Variants in ZSWIM6 observed in about 807,000 individuals in gnomAD.
ZSWIM6 encodes the protein zinc finger SWIM domain-containing protein 6.
A neutral mutation model predicts 113.2 loss-of-function variants in ZSWIM6; 9 were observed. The ratio of observed to expected loss-of-function variants is 0.08; its 90% CI spans 0.05 to 0.14. The LOEUF is 0.14. ZSWIM6 is among the 10% of genes least tolerant of loss of function. The pLI, the probability that ZSWIM6 is intolerant of heterozygous loss-of-function variation, is 1.00. For synonymous variants in ZSWIM6, 611 were observed against 606.5 expected, an observed-to-expected ratio of 1.01 and a Z score of -0.11; for missense variants, 1,162 against 1,552.2, an observed-to-expected ratio of 0.75 and a Z score of 4.22.
At chr5:61,383,634 C>G (rs1022325728) in intron 1 of ZSWIM6, among the ~76,000 whole-genome samples, 9 of 151,972 alleles carry the variant, frequency 5.9e-5, no homozygotes, top group Non-Finnish European at 1.3e-4. Flanking sequence ...CTCCCCAGTT[C>G]AAGTAGTTCT....
chr5:61,375,820 A>G, intron 1 of ZSWIM6: 1 of 1,223,936 alleles, frequency 8.2e-7, no homozygotes, highest in Non-Finnish European at 1.2e-6. Flanking sequence ...GAAGAAGAAA[A>G]AGAAGGCTGC....
At chr5:61,379,783 A>T (rs1441501660) in intron 1 of ZSWIM6, among the ~76,000 whole-genome samples, 1 of 152,114 alleles carries the variant, frequency 6.6e-6, no homozygotes, top group Non-Finnish European at 1.5e-5. Flanking sequence ...TCCCTCAAAA[A>T]ATTTCTGCTC....
At chr5:61,465,364 T>G (rs932421295) in intron 1 of ZSWIM6, among the ~76,000 whole-genome samples, 1 of 152,106 alleles carries the variant, frequency 6.6e-6, no homozygotes, top group Non-Finnish European at 1.5e-5. Context: ...TAATTTGTTG[T>G]TGGTGGTAGG....
At chr5:61,429,594 T>C (rs1340513673) in intron 1 of ZSWIM6, among the ~76,000 whole-genome samples, 1 of 152,180 alleles carries the variant, frequency 6.6e-6, no homozygotes, top group Non-Finnish European at 1.5e-5. Context: ...TAAATATCTA[T>C]TTTCCCTGTG....
chr5:61,542,085 CA>C, intron 13 of ZSWIM6, 120 bp downstream of exon 13: 1 of 856,232 alleles, frequency 1.2e-6, no homozygotes, highest in Non-Finnish European at 1.8e-6. Flanking sequence ...CTCCTTCTAG[CA>C]GTCCACAAGG....
chr5:61,520,358 A>T (rs1749079581), intron 4 of ZSWIM6, among the ~76,000 whole-genome samples: 1 of 152,162 alleles, frequency 6.6e-6, no homozygotes, highest in South Asian at 2.1e-4. Flanking sequence ...AAAATTTGTG[A>T]AATATTTGCT....
At chr5:61,502,270 T>C (rs1748488002) in intron 4 of ZSWIM6, among the ~76,000 whole-genome samples, 1 of 152,134 alleles carries the variant, frequency 6.6e-6, no homozygotes, top group Non-Finnish European at 1.5e-5. Flanking sequence ...GGCAGCTCTG[T>C]GTATGTGCCA....
chr5:61,460,375 G>T (rs561784058), intron 1 of ZSWIM6, among the ~76,000 whole-genome samples: 1 of 152,150 alleles, frequency 6.6e-6, no homozygotes, highest in Admixed American at 6.5e-5. Context: ...AGCTCATTAG[G>T]TGTCCTGTTA....
At chr5:61,458,099 T>C (rs1747243504) in intron 1 of ZSWIM6, among the ~76,000 whole-genome samples, 1 of 152,236 alleles carries the variant, frequency 6.6e-6, no homozygotes, top group African/African-American at 2.4e-5. Context: ...ATAGTCTCTT[T>C]GAGGTTGGAT....
chr5:61,374,983 C>T (rs1204418584), intron 1 of ZSWIM6: 1 of 905,474 alleles, frequency 1.1e-6, no homozygotes, highest in Non-Finnish European at 1.7e-6. Flanking sequence ...TAGAAATGAG[C>T]ATACAATAAT....
At chr5:61,420,587 G>A (rs1161663799) in intron 1 of ZSWIM6, among the ~76,000 whole-genome samples, 1 of 152,088 alleles carries the variant, frequency 6.6e-6, no homozygotes, top group Non-Finnish European at 1.5e-5. Context: ...AGGCTGCCGG[G>A]GAGTGGTGGT....
At chr5:61,380,199 C>T (rs1281255948) in intron 1 of ZSWIM6, among the ~76,000 whole-genome samples, 1 of 152,126 alleles carries the variant, frequency 6.6e-6, no homozygotes, top group Non-Finnish European at 1.5e-5. Flanking sequence ...CCTCAGCATC[C>T]CGAGTAGCTG....
chr5:61,337,734 A>T (rs1038342810), intron 1 of ZSWIM6, among the ~76,000 whole-genome samples: 1 of 152,250 alleles, frequency 6.6e-6, no homozygotes, highest in Non-Finnish European at 1.5e-5. Context: ...TTGCATATAG[A>T]TGCATAAAAA....
chr5:61,456,497 A>G (rs1263459843), intron 1 of ZSWIM6, among the ~76,000 whole-genome samples: 2 of 152,236 alleles, frequency 1.3e-5, no homozygotes, highest in African/African-American at 4.8e-5. Flanking sequence ...GAGTAACTGC[A>G]GATGTCCCCA....
At position 61,332,335 on chromosome 5, in the gene ZSWIM6, C is replaced by T; in HGVS notation, c.63C>T (p.Gly21=). ...GGCTTTGCTGCCGGCCGGGCGGCGG[C>T]GGCGGCGGCGGGGGCAGCAGCGGCG... ...AKRLCCRPGG[G]GGGGGSSGGG... The change falls in exon 1 of 14, where the codon GGC becomes GGT. Residue 21 remains glycine (G), a synonymous_variant. Coordinates refer to ENST00000252744, the MANE Select transcript of ZSWIM6 (RefSeq NM_020928.2). The T allele has an allele frequency of 2.8e-6, 3 of 1,064,092 alleles. No homozygotes were observed. The highest frequency in any genetic ancestry group is 3.5e-6 in the Non-Finnish European group (3 of 865,132). The allele number at this position is 1,064,092 out of a possible 1,614,324, so 65.9% of individuals were successfully genotyped here.
At chr5:61,343,157 G>T (rs538845246) in intron 1 of ZSWIM6, among the ~76,000 whole-genome samples, 1 of 152,272 alleles carries the variant, frequency 6.6e-6, no homozygotes, top group East Asian at 1.9e-4. Context: ...TTGAAAGATA[G>T]GGTTTTATCT....
intron 4 of ZSWIM6, among the ~76,000 whole-genome samples, chr5:61,509,440 G>A (rs1236838308): frequency 1.3e-5 from 2 of 152,156 alleles, no homozygotes; most frequent in South Asian, 2.1e-4. Flanking sequence ...GGAAGCCGAA[G>A]GAAGAGTACG....
chr5:61,359,401 C>T (rs908859856), intron 1 of ZSWIM6, among the ~76,000 whole-genome samples: 2 of 152,086 alleles, frequency 1.3e-5, no homozygotes, highest in Non-Finnish European at 2.9e-5. Flanking sequence ...GATCTGACCG[C>T]TCTCCTCCCC....
chr5:61,437,494 G>A (rs1746734629), intron 1 of ZSWIM6, among the ~76,000 whole-genome samples: 1 of 152,034 alleles, frequency 6.6e-6, no homozygotes, highest in Non-Finnish European at 1.5e-5. Flanking sequence ...AAGCTGAGGT[G>A]GGCAGATTGC....
Sources: gnomAD v4.1 joint callset for allele counts (sites outside exome capture counted in the v4.1 genomes callset) on GRCh38, gnomAD v4.1.1 for gene constraint, MANE v1.5 for transcripts, NCBI Gene and HGNC (gene_info 2026-07-23, HGNC 2026-07-21) for gene names.